GPC5: variants seen among roughly 807,000 people sequenced by gnomAD.
The protein encoded by GPC5 is glypican-5.
Under a neutral mutation model 53.9 loss-of-function variants are expected in GPC5, and 47 were observed. The observed-to-expected ratio is 0.87, with a 90% confidence interval of 0.69 to 1.11. The LOEUF is 1.11. GPC5 is among the 50% of genes most tolerant of loss of function. The probability of loss-of-function intolerance (pLI) is 0.00; values close to 1 mark genes in which losing one functional copy is unlikely to be tolerated. For synonymous variants in GPC5, 286 were observed against 263.3 expected, an observed-to-expected ratio of 1.09 and a Z score of -0.84; for missense variants, 748 against 713.1, an observed-to-expected ratio of 1.05 and a Z score of -0.56.
At chr13:92,183,652 G>C (rs143880596) in intron 7 of GPC5, among the ~76,000 whole-genome samples, 2 of 152,136 alleles carry the variant, frequency 1.3e-5, no homozygotes, top group South Asian at 2.1e-4. Flanking sequence ...TAAATGTATA[G>C]ATTAGTTAAG....
At chr13:92,417,871 A>G (rs1876383938) in intron 7 of GPC5, among the ~76,000 whole-genome samples, 1 of 152,164 alleles carries the variant, frequency 6.6e-6, no homozygotes, top group African/African-American at 2.4e-5. Flanking sequence ...AGCTTGGGCG[A>G]CAGAGTGAGA....
At chr13:92,743,217 G>A (rs1043669534) in intron 7 of GPC5, among the ~76,000 whole-genome samples, 1 of 152,042 alleles carries the variant, frequency 6.6e-6, no homozygotes, top group Non-Finnish European at 1.5e-5. Context: ...CTATCCATGA[G>A]CATGAAATGT....
At chr13:92,722,821 C>G (rs918258587) in intron 7 of GPC5, among the ~76,000 whole-genome samples, 1 of 151,500 alleles carries the variant, frequency 6.6e-6, no homozygotes, top group African/African-American at 2.4e-5. Context: ...TTTTTATATA[C>G]AAAAAAATGA....
intron 2 of GPC5, among the ~76,000 whole-genome samples, chr13:91,553,152 T>C (rs1008973363): frequency 7.1e-6 from 1 of 140,804 alleles, no homozygotes; most frequent in Admixed American, 7.3e-5. Flanking sequence ...TATGTGGTAA[T>C]CAGGGTCAGG....
intron 7 of GPC5, among the ~76,000 whole-genome samples, chr13:92,282,955 A>T (rs1300594937): frequency 2.0e-5 from 3 of 152,210 alleles, no homozygotes; most frequent in Non-Finnish European, 4.4e-5. Context: ...GGCTAATTGG[A>T]TAAAAGAGTC....
intron 7 of GPC5, among the ~76,000 whole-genome samples, chr13:92,506,821 C>T (rs1029427186): frequency 1.6e-4 from 25 of 151,992 alleles, no homozygotes; most frequent in South Asian, 4.1e-4. Context: ...GTCGCAGGCT[C>T]GATTAAAATT....
intron 3 of GPC5, among the ~76,000 whole-genome samples, chr13:91,701,633 T>A (rs186896964): frequency 5.3e-5 from 8 of 152,116 alleles, no homozygotes; most frequent in African/African-American, 1.9e-4. Flanking sequence ...ATTATGTTGA[T>A]TGTTTCATTG....
chr13:92,157,768 C>A (rs141217041), intron 7 of GPC5, among the ~76,000 whole-genome samples: 1 of 152,224 alleles, frequency 6.6e-6, no homozygotes, highest in African/African-American at 2.4e-5. Context: ...TTATTCCCCT[C>A]CCCTTTTCAT....
intron 7 of GPC5, among the ~76,000 whole-genome samples, chr13:92,235,738 C>T (rs1455593346): frequency 1.3e-5 from 2 of 152,058 alleles, no homozygotes; most frequent in Non-Finnish European, 2.9e-5. Context: ...CTACCAGGGA[C>T]CTTTTTCATG....
rs546314916 is a variant in GPC5 at position 92,293,822 on chromosome 13, T to C, written c.1561+148833T>C. Among the ~76,000 whole-genome samples the C allele has an allele frequency of 5.3e-5, 8 of 152,316 alleles. No individual in the cohort carries two copies. The South Asian group carries it at 1.7e-3, about 32-fold the overall frequency. On this transcript the variant is annotated intron_variant, in intron 7 of 7. Transcript: ENST00000377067. ...TTCCCATTCAATATTATGTTGGCTC[T>C]GGGTTTGTCATGGATGGCTTTTATT...
At chr13:91,597,475 G>T (rs1257883344) in intron 2 of GPC5, among the ~76,000 whole-genome samples, 4 of 151,904 alleles carry the variant, frequency 2.6e-5, no homozygotes, top group Non-Finnish European at 5.9e-5. Flanking sequence ...AGCATCACTG[G>T]GTGTGCAACC....
chr13:91,971,112 G>C (rs538074108), intron 6 of GPC5, among the ~76,000 whole-genome samples: 152 of 152,076 alleles, frequency 1.0e-3, no homozygotes, highest in Non-Finnish European at 1.8e-3. Context: ...TTTTTTGGTT[G>C]GTAGACTATT....
At position 91,862,676 on chromosome 13, in the gene GPC5, T is replaced by TACAC. The variant is rs530155281; in HGVS notation, c.1281-45251_1281-45248dup. Among the ~76,000 whole-genome samples the TACAC allele has an allele frequency of 1.5e-3, 228 of 151,796 alleles. 1 individual carries two copies. In the Middle Eastern group the frequency reaches 0.055, roughly 36 times the overall value. The stretch of plus-strand genomic sequence containing the variant: ...CTATTACAGTAATATATGTGTGACA[T>TACAC]ACACACACACACAATACATGCACAG... On this transcript the variant is annotated intron_variant, in intron 5 of 7. Transcript: ENST00000377067.
intron 7 of GPC5, among the ~76,000 whole-genome samples, chr13:92,711,388 T>C (rs1888136169): frequency 6.6e-6 from 1 of 152,184 alleles, no homozygotes; most frequent in African/African-American, 2.4e-5. Context: ...GTTTGCATTA[T>C]GGTAGAAAAT....
Position 92,847,648 on chromosome 13 carries a change from A to G in GPC5, c.1562-18634A>G, listed in dbSNP as rs184107775. On this transcript the variant is annotated intron_variant, in intron 7 of 7. Transcript: ENST00000377067. The stretch of plus-strand genomic sequence containing the variant: ...AAACCTTTTTTTTTTTTAATAAATT[A>G]CCCAGTCTCAGGTAGTTCTTTATAG... Among the ~76,000 whole-genome samples, 511 of 151,362 alleles carry G rather than the reference A, an allele frequency of 3.4e-3. 2 individuals are homozygous for G. The highest frequency in any genetic ancestry group is 0.012 in the African/African-American group (475 of 41,238).
chr13:92,276,424 T>C (rs886346418), intron 7 of GPC5, among the ~76,000 whole-genome samples: 4 of 152,120 alleles, frequency 2.6e-5, no homozygotes, highest in African/African-American at 9.7e-5. Context: ...AAAGCTAATG[T>C]ATTCTTTGAC....
chr13:92,771,512 T>G (rs1875614906), intron 7 of GPC5, among the ~76,000 whole-genome samples: 1 of 151,914 alleles, frequency 6.6e-6, no homozygotes, highest in Admixed American at 6.6e-5. Context: ...CCGGCTAATT[T>G]TTTTGCATTT....
intron 7 of GPC5, among the ~76,000 whole-genome samples, chr13:92,708,254 T>G (rs1032225211): frequency 6.6e-6 from 1 of 152,110 alleles, no homozygotes; most frequent in Non-Finnish European, 1.5e-5. Flanking sequence ...TCCAAGTCAA[T>G]AGAAATTTTC....
In GPC5 at chr13:91,776,262, G is replaced by A. The variant is rs564739094; in HGVS notation, c.1280+19842G>A. On this transcript the variant is annotated intron_variant, in intron 5 of 7. Transcript: ENST00000377067. The stretch of plus-strand genomic sequence containing the variant: ...AGCACACTTCTGAGGGACATTCTAG[G>A]GATTCTCAGAAACACCCCATTTCAA... 3.9e-5 allele frequency among the ~76,000 whole-genome samples: 6 copies of A among 152,134 alleles called. No homozygotes were observed. The South Asian group carries it at 1.2e-3, about 32-fold the overall frequency.
Sources: gnomAD v4.1 joint callset for allele counts (sites outside exome capture counted in the v4.1 genomes callset) on GRCh38, gnomAD v4.1.1 for gene constraint, MANE v1.5 for transcripts, NCBI Gene and HGNC (gene_info 2026-07-23, HGNC 2026-07-21) for gene names.